The following TTF2 variants were observed in gnomAD, a reference collection of about 807,000 sequenced individuals.
TTF2 encodes the protein RNA polymerase II termination factor.
A neutral mutation model predicts 142.4 loss-of-function variants in TTF2; 108 were observed. That is an observed-to-expected ratio of 0.76 (90% CI 0.65 to 0.89). TTF2 has a LOEUF of 0.89. TTF2 is among the 40% of genes least tolerant of loss of function. The pLI, the probability that TTF2 is intolerant of heterozygous loss-of-function variation, is 0.00. For missense variants in TTF2, 1,327 were observed against 1,379.8 expected (o/e 0.96, Z 0.61); for synonymous variants, 483 against 506.2 (o/e 0.95, Z 0.61).
At chr1:117,067,524 C>CAAAAAAAAAAAAA in intron 3 of TTF2, among the ~76,000 whole-genome samples, 1 of 40,962 alleles carries the variant, frequency 2.4e-5, no homozygotes. Flanking sequence ...GACTCAGTCT[C>CAAAAAAAAAAAAA]AAAAAAAAAA....
At position 117,092,721 on chromosome 1, in the gene TTF2, G is replaced by C; in HGVS notation, c.2806-10G>C. The C allele has an allele frequency of 2.5e-6, 4 of 1,598,354 alleles. No individual in the cohort carries two copies. The highest frequency in any genetic ancestry group is 2.6e-6 in the Non-Finnish European group (3 of 1,174,006). On this transcript the variant is annotated splice_polypyrimidine_tract_variant and intron_variant, in intron 17 of 22. Coordinates refer to ENST00000369466, the MANE Select transcript of TTF2 (RefSeq NM_003594.4). This position sits in a 1 kb window ranked among gnomAD's most constrained non-coding sequence, Gnocchi z 4.4. ...CTCCCAGCTGCTCCTGTCCTTTTTT[G>C]TCTGTTCAGGCCCTGGATCCAATGG...
In TTF2 at chr1:117,079,632, C is replaced by T. The variant is rs202120324; in HGVS notation, c.1766C>T (p.Pro589Leu). The T allele has an allele frequency of 3.7e-6, 6 of 1,614,080 alleles. No individual in the cohort carries two copies. Among genetic ancestry groups the T allele is most frequent in the Non-Finnish European group, 5.1e-6 (6 of 1,180,048 alleles). ...AWLLWRESQK[P>L]QGGILADDMG... ...TTACTATGGCGAGAAAGTCAGAAGC[C>T]ACAAGGAGGAATTCTGGGTAAGTGT... Residue 589 changes from proline (P) to leucine (L), a missense_variant, in exon 9 of 23, where the codon CCA (proline) becomes CTA (leucine). Coordinates refer to ENST00000369466, the MANE Select transcript of TTF2 (RefSeq NM_003594.4). This position sits in a 1 kb window ranked among gnomAD's most constrained non-coding sequence, Gnocchi z 4.2.
In TTF2 at chr1:117,101,525, C is replaced by T. The variant is rs746937712; in HGVS notation, c.*1C>T. 50 of 1,584,582 alleles carry T rather than the reference C, an allele frequency of 3.2e-5. 1 individual carries two copies. Among genetic ancestry groups the T allele is most frequent in the Non-Finnish European group, 3.5e-5 (41 of 1,172,152 alleles). The stretch of plus-strand genomic sequence containing the variant: ...CCTCAGAGTCCTTTTTGGCATCTAA[C>T]CTCCTGTGGATAAGGGCTCAGAATA... On this transcript the variant is annotated 3_prime_UTR_variant, in exon 23 of 23. Coordinates refer to ENST00000369466, the MANE Select transcript of TTF2 (RefSeq NM_003594.4). The surrounding 1 kb of genome is among the most constrained non-coding windows in gnomAD (Gnocchi z 5.9).
chr1:117,079,650 G>C lies in TTF2; in HGVS notation c.1783+1G>C, dbSNP rs1557814615. 1 of 1,614,056 alleles carries C rather than the reference G, an allele frequency of 6.2e-7. No homozygotes were observed. Among genetic ancestry groups the C allele is most frequent in the Non-Finnish European group, 8.5e-7 (1 of 1,179,880 alleles). The stretch of plus-strand genomic sequence containing the variant: ...CAGAAGCCACAAGGAGGAATTCTGG[G>C]TAAGTGTGGTATTATAAGAGTCAGC... On this transcript the variant is annotated splice_donor_variant, in intron 9 of 22. Coordinates refer to ENST00000369466, the MANE Select transcript of TTF2 (RefSeq NM_003594.4). LOFTEE classifies it high-confidence loss of function. This position sits in a 1 kb window ranked among gnomAD's most constrained non-coding sequence, Gnocchi z 4.2.
intron 7 of TTF2, among the ~76,000 whole-genome samples, chr1:117,077,133 G>A (rs145443870): frequency 6.6e-6 from 1 of 151,948 alleles, no homozygotes; most frequent in Non-Finnish European, 1.5e-5. Context: ...CCAAAACATA[G>A]TATGTGTAGG....
chr1:117,069,250 G>A (rs1570800189), intron 3 of TTF2, among the ~76,000 whole-genome samples: 1 of 152,332 alleles, frequency 6.6e-6, no homozygotes, highest in African/African-American at 2.4e-5. Context: ...GCTGGAATAA[G>A]AGTTAGATGT....
Position 117,099,007 on chromosome 1 carries a change from T to C in TTF2, c.3344+100T>C. The C allele has an allele frequency of 1.7e-6, 2 of 1,192,616 alleles. No homozygotes were observed. The highest frequency in any genetic ancestry group is 3.1e-5 in the South Asian group (2 of 63,774). The allele number at this position is 1,192,616 out of a possible 1,614,324, so 73.9% of individuals were successfully genotyped here. On this transcript the variant is annotated intron_variant, in intron 22 of 22. Transcript: ENST00000369466. This position sits in a 1 kb window ranked among gnomAD's most constrained non-coding sequence, Gnocchi z 4.3. ...TTTTCATAGAATTTAAAGTATTTGG[T>C]GATGACTTTACTGATGATGCCCCTG...
Position 117,063,859 on chromosome 1 carries a change from G to A in TTF2, c.218+1386G>A, listed in dbSNP as rs376065410. On this transcript the variant is annotated intron_variant, in intron 3 of 22. Transcript: ENST00000369466. This position sits in a 1 kb window ranked among gnomAD's most constrained non-coding sequence, Gnocchi z 4.1. The stretch of plus-strand genomic sequence containing the variant: ...ACAACCCACCAGTTTTATTGGTAAA[G>A]GTAGTTTTACTTGAACTAATTTATG... 7.2e-5 allele frequency among the ~76,000 whole-genome samples: 11 copies of A among 152,166 alleles called. No individual in the cohort carries two copies. In the East Asian group the frequency reaches 1.4e-3, roughly 19 times the overall value.
intron 3 of TTF2, among the ~76,000 whole-genome samples, chr1:117,072,414 GA>G (rs774246471): frequency 1.4e-4 from 20 of 143,748 alleles, no homozygotes; most frequent in Non-Finnish European, 2.4e-4. Context: ...AGCTTTAAAA[GA>G]TACGGACTTT....
Position 117,101,703 on chromosome 1 carries a change from A to G in TTF2, c.*179A>G. ...CCCAGAATTGAGGAGGGGTTGTGTT[A>G]ACCAATTAGTTAACCAATTATGTTA... On this transcript the variant is annotated 3_prime_UTR_variant, in exon 23 of 23. Coordinates refer to ENST00000369466, the MANE Select transcript of TTF2 (RefSeq NM_003594.4). This position sits in a 1 kb window ranked among gnomAD's most constrained non-coding sequence, Gnocchi z 5.9. 1 of 551,560 alleles carries G rather than the reference A, an allele frequency of 1.8e-6. No individual in the cohort carries two copies. 34.2% of individuals were successfully genotyped at this position (551,560 alleles called of 1,614,324 possible).
rs1656921467 is a variant in TTF2, at chr1:117,075,488, CAGGCCACCCAGAA to C, written c.906_918del (p.Thr304CysfsTer71). 1 of 1,614,010 alleles carries C rather than the reference CAGGCCACCCAGAA, an allele frequency of 6.2e-7. No individual in the cohort carries two copies. The highest frequency in any genetic ancestry group is 1.7e-5 in the Admixed American group (1 of 59,986). On this transcript the variant is annotated frameshift_variant, in exon 5 of 23. Coordinates refer to ENST00000369466, the MANE Select transcript of TTF2 (RefSeq NM_003594.4). LOFTEE classifies it high-confidence loss of function. This position sits in a 1 kb window ranked among gnomAD's most constrained non-coding sequence, Gnocchi z 4.5. ...AAAGGCAAAGGATGGCCCTAGCATA[CAGGCCACCCAGAA>C]AAGCCTGCCTCAGGGGCATTTCCAA...
chr1:117,077,862 G>A (rs972186315), intron 7 of TTF2, 54 bp from the exon 8 acceptor site: 1 of 1,607,260 alleles, frequency 6.2e-7, no homozygotes, highest in Admixed American at 1.7e-5. Context: ...CACTCTAAAG[G>A]GATAAAGAAA....
intron 3 of TTF2, among the ~76,000 whole-genome samples, chr1:117,072,061 G>C (rs1658894380): frequency 6.6e-6 from 1 of 152,128 alleles, no homozygotes; most frequent in Non-Finnish European, 1.5e-5. Flanking sequence ...TTTGGATGGA[G>C]AGTAGTACCC....
intron 3 of TTF2, among the ~76,000 whole-genome samples, chr1:117,069,619 T>C (rs1656421802): frequency 6.6e-6 from 1 of 152,226 alleles, no homozygotes; most frequent in African/African-American, 2.4e-5. Context: ...GACTATATCA[T>C]TTTGCCATTT....
chr1:117,098,032 A>C (rs1424170344), intron 21 of TTF2, among the ~76,000 whole-genome samples: 1 of 152,202 alleles, frequency 6.6e-6, no homozygotes, highest in Non-Finnish European at 1.5e-5. Context: ...ATGCCAATCA[A>C]GGATTGCTGC....
rs1241361816 is a variant in TTF2, at chr1:117,090,221, G to A, written c.2496+13G>A. 1.9e-6 allele frequency: 3 copies of A among 1,612,766 alleles called. No individual in the cohort carries two copies. Among genetic ancestry groups the A allele is most frequent in the Non-Finnish European group, 2.5e-6 (3 of 1,179,420 alleles). ...TGGCAGACCTTTGGTAATCAAGTTT[G>A]TACCTGTCCCTGGGGGAGGCCAGGG... On this transcript the variant is annotated intron_variant, in intron 14 of 22. Transcript: ENST00000369466. The surrounding 1 kb of genome is among the most constrained non-coding windows in gnomAD (Gnocchi z 4.8).
rs1260513800 is a variant in TTF2 at position 117,073,325 on chromosome 1, G to C, written c.219-336G>C. 6.6e-6 allele frequency among the ~76,000 whole-genome samples: 1 copy of C among 152,012 alleles called. No individual in the cohort carries two copies. The highest frequency in any genetic ancestry group is 2.4e-5 in the African/African-American group (1 of 41,358). ...AGCTAGTGTTGTGACCCCCCTTCAG[G>C]GACACACAGTGTCTGGCTGTCTCTC... On this transcript the variant is annotated intron_variant, in intron 3 of 22. Transcript: ENST00000369466. This position sits in a 1 kb window ranked among gnomAD's most constrained non-coding sequence, Gnocchi z 4.4.
In TTF2 at chr1:117,092,047, A is replaced by G; in HGVS notation, c.2805+97A>G. On this transcript the variant is annotated intron_variant, in intron 17 of 22. Coordinates refer to ENST00000369466, the MANE Select transcript of TTF2 (RefSeq NM_003594.4). This position sits in a 1 kb window ranked among gnomAD's most constrained non-coding sequence, Gnocchi z 4.4. ...CTCCAACTGGAATCCAGTCTGCTTGATCAAAGGAAATGCTGTTTCGGTTTT... is the reference window on the plus strand; with the variant it reads ...CTCCAACTGGAATCCAGTCTGCTTGGTCAAAGGAAATGCTGTTTCGGTTTT... 1 of 1,292,438 alleles carries G rather than the reference A, an allele frequency of 7.7e-7. No individual in the cohort carries two copies. 80.1% of individuals were successfully genotyped at this position (1,292,438 alleles called of 1,614,324 possible). A position where few individuals can be genotyped will look rare whatever the true frequency, so the allele number is the denominator to read the frequency against.
Position 117,099,048 on chromosome 1 carries a change from C to A in TTF2, c.3344+141C>A. ...GATGCCCCTGAGGCATACCTTCAGG[C>A]AAACCACAGTCAGGAGAAAAACGAG... On this transcript the variant is annotated intron_variant, in intron 22 of 22. Transcript: ENST00000369466. The surrounding 1 kb of genome is among the most constrained non-coding windows in gnomAD (Gnocchi z 4.3). 1 of 694,302 alleles carries A rather than the reference C, an allele frequency of 1.4e-6. No individual in the cohort carries two copies. The allele number at this position is 694,302 out of a possible 1,614,324, so 43.0% of individuals were successfully genotyped here.
Sources: allele counts gnomAD v4.1 joint callset (sites outside exome capture counted in the v4.1 genomes callset), GRCh38; gene constraint gnomAD v4.1.1; non-coding constraint Gnocchi (gnomAD v3.1); transcripts MANE v1.5; gene names NCBI Gene and HGNC (gene_info 2026-07-23, HGNC 2026-07-21).